Variants in PCDHGB1 observed in about 807,000 individuals in gnomAD.
The protein encoded by PCDHGB1 is protocadherin gamma subfamily B, 1, also known as protocadherin gamma-B1.
A neutral mutation model predicts 56.6 loss-of-function variants in PCDHGB1; 34 were observed. That is an observed-to-expected ratio of 0.60 (90% confidence interval 0.46 to 0.80). PCDHGB1 has a LOEUF of 0.80. Among genes scored for constraint, PCDHGB1 ranks in the 30% least tolerant of loss-of-function variants. The probability of loss-of-function intolerance (pLI) is 0.00; values close to 1 mark genes in which losing one functional copy is unlikely to be tolerated. For synonymous variants in PCDHGB1, 561 were observed against 505.9 expected, an observed-to-expected ratio of 1.11 and a Z score of -1.46; for missense variants, 1,278 against 1,204.6, an observed-to-expected ratio of 1.06 and a Z score of -0.90.
At chr5:141,395,346 T>C in intron 1 of PCDHGB1, 1 of 1,396,344 alleles carries the variant, frequency 7.2e-7, no homozygotes. Context: ...TTAAGGTGTA[T>C]CACAGAGTTT....
Position 141,486,427 on chromosome 5 carries a change from A to G in PCDHGB1, c.2410-8380A>G. On this transcript the variant is annotated intron_variant, in intron 1 of 3. Transcript: ENST00000523390. This position sits in a 1 kb window ranked among gnomAD's most constrained non-coding sequence, Gnocchi z 5.0. ...CTGGACCCTTGGATCGAGAGGCCAA[A>G]TCTAGCTATGACATCATGGTCACTG... The G allele has an allele frequency of 6.2e-7, 1 of 1,614,160 alleles. No homozygotes were observed. Among genetic ancestry groups the G allele is most frequent in the Non-Finnish European group, 8.5e-7 (1 of 1,180,016 alleles).
At chr5:141,479,975 C>A (rs1459297521) in intron 1 of PCDHGB1, among the ~76,000 whole-genome samples, 1 of 152,186 alleles carries the variant, frequency 6.6e-6, no homozygotes, top group East Asian at 1.9e-4. Context: ...TGAGGTTCTA[C>A]CATTTACCAA....
intron 1 of PCDHGB1, chr5:141,355,140 G>A (rs1011751215): frequency 1.3e-5 from 20 of 1,525,342 alleles, no homozygotes; most frequent in Non-Finnish European, 3.5e-6. Context: ...AAGATCCTGG[G>A]GCTCCTCAGG....
At chr5:141,421,504 C>G (rs757410882) in intron 1 of PCDHGB1, 1 of 1,614,062 alleles carries the variant, frequency 6.2e-7, no homozygotes, top group South Asian at 1.1e-5. Flanking sequence ...CAGGATAGAC[C>G]GGGAGGAGCT....
At chr5:141,377,717 T>C (rs1025721438) in intron 1 of PCDHGB1, 1 of 152,222 alleles carries the variant, frequency 6.6e-6, no homozygotes, top group African/African-American at 2.4e-5. Context: ...AAATTATTTT[T>C]GAAAAGATAA....
At chr5:141,398,555 G>A in intron 1 of PCDHGB1, 1 of 1,613,934 alleles carries the variant, frequency 6.2e-7, no homozygotes, top group Non-Finnish European at 8.5e-7. Context: ...CTGCAAATAA[G>A]TGAGTCTGCA....
chr5:141,438,619 TATATATATATATATATACACAC>T (rs1408639052), intron 1 of PCDHGB1, among the ~76,000 whole-genome samples: 61 of 39,666 alleles, frequency 1.5e-3, no homozygotes, highest in African/African-American at 9.2e-3. Context: ...TATATATATA[TATATATATATATATATACACAC>T]ACACACACAC....
rs1488305057 is a variant in PCDHGB1, at chr5:141,477,736, C to A, written c.2410-17071C>A. ...AATTTGAATTAACAGCTCATATCAG[C>A]GATGGGGGCACCCCGGTCCTAGCCA... On this transcript the variant is annotated intron_variant, in intron 1 of 3. Transcript: ENST00000523390. This position sits in a 1 kb window ranked among gnomAD's most constrained non-coding sequence, Gnocchi z 4.9. The A allele has an allele frequency of 6.2e-7, 1 of 1,613,790 alleles. No homozygotes were observed. Among genetic ancestry groups the A allele is most frequent in the Non-Finnish European group, 8.5e-7 (1 of 1,180,024 alleles).
chr5:141,351,907 C>T lies in PCDHGB1; in HGVS notation c.1647C>T (p.Gly549=), dbSNP rs1169637398. 6 of 1,613,396 alleles carry T rather than the reference C, an allele frequency of 3.7e-6. No individual in the cohort carries two copies. The highest frequency in any genetic ancestry group is 4.2e-6 in the Non-Finnish European group (5 of 1,179,748). Residue 549 remains glycine (G), a synonymous_variant, in exon 1 of 4, where the codon GGC becomes GGT. Transcript: ENST00000523390. The part of the protein sequence containing the change: ...SANVSLRVLV[G]DLNDNAPRVL... ...ACGTGAGCCTGCGCGTGTTGGTGGG[C>T]GACCTCAATGACAATGCGCCACGGG...
chr5:141,423,234 C>T, intron 1 of PCDHGB1: 1 of 1,613,918 alleles, frequency 6.2e-7, no homozygotes, highest in South Asian at 1.1e-5. Context: ...CCGACAGCAT[C>T]CCCGAAGTCC....
intron 1 of PCDHGB1, chr5:141,398,850 A>T (rs2093714845): frequency 6.2e-7 from 1 of 1,613,864 alleles, no homozygotes; most frequent in East Asian, 2.2e-5. Context: ...ATCCCCCGGT[A>T]TTCAACCGAG....
At chr5:141,481,963 TA>T (rs1158466251) in intron 1 of PCDHGB1, among the ~76,000 whole-genome samples, 1 of 148,746 alleles carries the variant, frequency 6.7e-6, no homozygotes, top group Non-Finnish European at 1.5e-5. Context: ...CAGGTGCCTG[TA>T]GTCACAGCTA....
intron 1 of PCDHGB1, chr5:141,383,337 A>G (rs1185721914): frequency 6.2e-7 from 1 of 1,614,066 alleles, no homozygotes; most frequent in East Asian, 2.2e-5. Flanking sequence ...TGGAGAATAC[A>G]GCTCCTGGGG....
At chr5:141,508,576 C>A (rs1437398161) in intron 3 of PCDHGB1, among the ~76,000 whole-genome samples, 1 of 152,136 alleles carries the variant, frequency 6.6e-6, no homozygotes, top group African/African-American at 2.4e-5. Flanking sequence ...TGCACCCACT[C>A]GGGGTGCTAC....
intron 1 of PCDHGB1, chr5:141,367,919 A>G (rs1225899144): frequency 1.3e-5 from 2 of 152,164 alleles, no homozygotes; most frequent in Non-Finnish European, 2.9e-5. Flanking sequence ...AAAAAAAAGA[A>G]CTCAACTTAA....
At chr5:141,390,754 T>C (rs2092225927) in intron 1 of PCDHGB1, 1 of 168,266 alleles carries the variant, frequency 5.9e-6, no homozygotes, top group East Asian at 1.8e-4. Context: ...AGTCCACTGT[T>C]TTGTTTCCTG....
chr5:141,409,220 G>A (rs1327857530), intron 1 of PCDHGB1: 1 of 1,613,988 alleles, frequency 6.2e-7, no homozygotes, highest in Non-Finnish European at 8.5e-7. Context: ...AATCCTTGAT[G>A]AAAACGACAA....
chr5:141,355,689 T>C (rs755221560), intron 1 of PCDHGB1: 20 of 1,613,838 alleles, frequency 1.2e-5, no homozygotes, highest in Admixed American at 1.7e-5. Context: ...CGGATGTAGG[T>C]GTAAACTCCC....
intron 1 of PCDHGB1, chr5:141,414,589 G>T: frequency 1.2e-6 from 2 of 1,613,834 alleles, no homozygotes; most frequent in African/African-American, 2.7e-5. Flanking sequence ...CAACGCCAGG[G>T]GTGCCTCCAT....
Sources: allele counts gnomAD v4.1 joint callset (sites outside exome capture counted in the v4.1 genomes callset), GRCh38; gene constraint gnomAD v4.1.1; non-coding constraint Gnocchi (gnomAD v3.1); transcripts MANE v1.5; gene names NCBI Gene and HGNC (gene_info 2026-07-23, HGNC 2026-07-21).